Variants in ZNF93 observed in about 807,000 individuals in gnomAD.
ZNF93 encodes the protein zinc finger protein 505.
In ZNF93, 29 loss-of-function variants were observed where a neutral mutation model predicts 45.0. The observed-to-expected ratio is 0.64, with a 90% CI of 0.48 to 0.88. The LOEUF (loss-of-function observed/expected upper bound fraction) is 0.88. Ranked by LOEUF, ZNF93 falls within the 40% of genes least tolerant of loss-of-function variation. The probability of loss-of-function intolerance (pLI) is 0.00; values close to 1 mark genes in which losing one functional copy is unlikely to be tolerated. For missense variants in ZNF93, 578 were observed against 724.0 expected, an observed-to-expected ratio of 0.80 and a Z score of 2.31; for synonymous variants, 223 against 244.6, an observed-to-expected ratio of 0.91 and a Z score of 0.82.
rs1314456586 is a variant in ZNF93 at position 19,934,544 on chromosome 19, T to C, written c.1589T>C (p.Ile530Thr). ...TCAACCCTTATTAAACATAAGAAAA[T>C]TCATACTAGAGAGAAACCCTACAAA... ...QSSTLIKHKKIHTREKPYKCE... is the reference protein window; with the variant it reads ...QSSTLIKHKKTHTREKPYKCE... The change falls in exon 4 of 4, where the codon ATT (isoleucine) becomes ACT (threonine). Residue 530 changes from isoleucine (I) to threonine (T), a missense_variant. Physicochemically the swap from Ile to Thr is moderately conservative, Grantham distance 89. Transcript: ENST00000343769. 1.9e-6 allele frequency: 3 copies of C among 1,612,794 alleles called. No homozygotes were observed. Among genetic ancestry groups the C allele is most frequent in the East Asian group, 2.2e-5 (1 of 44,800 alleles).
At chr19:19,916,050 T>G (rs1167988336) in intron 2 of ZNF93, among the ~76,000 whole-genome samples, 1 of 150,826 alleles carries the variant, frequency 6.6e-6, no homozygotes, top group East Asian at 1.9e-4. Flanking sequence ...ACCTACAAAT[T>G]GGAAGTATTT....
chr19:19,916,514 T>C (rs748514737), intron 2 of ZNF93, 46 bp from the exon 3 acceptor site: 19 of 1,499,464 alleles, frequency 1.3e-5, no homozygotes, highest in Non-Finnish European at 1.8e-5. Context: ...AGCTTGTAAT[T>C]GGAGAATATG....
intron 1 of ZNF93, among the ~76,000 whole-genome samples, chr19:19,914,253 A>T (rs2063317622): frequency 6.6e-6 from 1 of 152,206 alleles, no homozygotes; most frequent in Non-Finnish European, 1.5e-5. Context: ...ATAATTCAGA[A>T]AATGCTTATT....
At position 19,914,798 on chromosome 19, in the gene ZNF93, C is replaced by T. The variant is rs181500331; in HGVS notation, c.4-482C>T. The stretch of plus-strand genomic sequence containing the variant: ...TGGATGTTTGACAAAATATCCTTCT[C>T]GGGCCAAAAACATTGACATTTTTGG... On this transcript the variant is annotated intron_variant, in intron 1 of 3. Coordinates refer to ENST00000343769, the MANE Select transcript of ZNF93 (RefSeq NM_031218.4). 1.7e-4 allele frequency: 65 copies of T among 376,452 alleles called. No individual in the cohort carries two copies. The Admixed American group carries it at 2.2e-3, about 13-fold the overall frequency. 23.3% of individuals were successfully genotyped at this position (376,452 alleles called of 1,614,324 possible).
At chr19:19,913,572 A>G (rs1032454455) in intron 1 of ZNF93, among the ~76,000 whole-genome samples, 1 of 152,152 alleles carries the variant, frequency 6.6e-6, no homozygotes, top group Non-Finnish European at 1.5e-5. Flanking sequence ...GCTGGTGTCT[A>G]TGGCAGGGGA....
At position 19,934,693 on chromosome 19, in the gene ZNF93, C is replaced by G. The variant is rs781010450; in HGVS notation, c.1738C>G (p.Leu580Val). 6.2e-6 allele frequency: 10 copies of G among 1,613,664 alleles called. No homozygotes were observed. Among genetic ancestry groups the G allele is most frequent in the Non-Finnish European group, 8.5e-6 (10 of 1,179,788 alleles). Residue 580 changes from leucine (L) to valine (V), a missense_variant, in exon 4 of 4, where the codon CTT becomes GTT. Transcript: ENST00000343769. ...CGKAFNHSATLSSHKKIHSGE... is the reference protein window; with the variant it reads ...CGKAFNHSATVSSHKKIHSGE... Reference sequence around the variant, plus strand: ...CAAAGCTTTTAACCATTCTGCAACCCTTTCTTCACATAAGAAAATCCATTC... The same window carrying G: ...CAAAGCTTTTAACCATTCTGCAACCGTTTCTTCACATAAGAAAATCCATTC...
intron 1 of ZNF93, among the ~76,000 whole-genome samples, chr19:19,912,144 A>G (rs2063310455): frequency 6.6e-6 from 1 of 152,200 alleles, no homozygotes; most frequent in Non-Finnish European, 1.5e-5. Context: ...TAAGTTGCAT[A>G]CTAGTATATA....
intron 1 of ZNF93, among the ~76,000 whole-genome samples, chr19:19,910,391 G>T (rs1426305643): frequency 6.6e-6 from 1 of 152,060 alleles, no homozygotes; most frequent in African/African-American, 2.4e-5. Flanking sequence ...TGCCACATTA[G>T]ACACTATATC....
intron 3 of ZNF93, among the ~76,000 whole-genome samples, chr19:19,916,987 C>T (rs1437436573): frequency 6.6e-6 from 1 of 152,054 alleles, no homozygotes; most frequent in Non-Finnish European, 1.5e-5. Context: ...AAAATATTTG[C>T]ATGATTTTGA....
Position 19,926,387 on chromosome 19 carries a change from A to AT in ZNF93, c.227-6787dup, listed in dbSNP as rs200844674. On this transcript the variant is annotated intron_variant, in intron 3 of 3. Coordinates refer to ENST00000343769, the MANE Select transcript of ZNF93 (RefSeq NM_031218.4). ...AGCCACTGCACCCAGCCTGACAATT[A>AT]TTTTTTTTGTGATACATCAATGTTG... Among the ~76,000 whole-genome samples, 86 of 138,008 alleles carry AT rather than the reference A, an allele frequency of 6.2e-4. 6 individuals are homozygous for AT. The East Asian group carries it at 0.016, about 26-fold the overall frequency. 90.5% of individuals were successfully genotyped at this position (138,008 alleles called of 152,430 possible).
chr19:19,912,157 A>G (rs1380553204), intron 1 of ZNF93, among the ~76,000 whole-genome samples: 1 of 152,218 alleles, frequency 6.6e-6, no homozygotes, highest in Non-Finnish European at 1.5e-5. Flanking sequence ...AGTATATAGT[A>G]TAAAGTTGTC....
At chr19:19,928,885 G>A (rs922357060) in intron 3 of ZNF93, among the ~76,000 whole-genome samples, 1 of 152,190 alleles carries the variant, frequency 6.6e-6, no homozygotes, top group Non-Finnish European at 1.5e-5. Context: ...AGAATATTGT[G>A]TATTATCTTG....
At chr19:19,910,267 A>G (rs2063304004) in intron 1 of ZNF93, among the ~76,000 whole-genome samples, 2 of 152,290 alleles carry the variant, frequency 1.3e-5, no homozygotes, top group Non-Finnish European at 1.5e-5. Flanking sequence ...TTGGTTATCA[A>G]ACTCAGACAT....
At chr19:19,901,789 T>G (rs1337529046) in intron 1 of ZNF93, among the ~76,000 whole-genome samples, 1 of 152,032 alleles carries the variant, frequency 6.6e-6, no homozygotes, top group Non-Finnish European at 1.5e-5. Context: ...CGGAACTGCG[T>G]TAGGGTTAAA....
intron 3 of ZNF93, among the ~76,000 whole-genome samples, chr19:19,930,491 G>A (rs1392018745): frequency 6.7e-6 from 1 of 149,382 alleles, no homozygotes; most frequent in Admixed American, 6.9e-5. Flanking sequence ...CCCTTTCCTG[G>A]TCCGCTAAGT....
chr19:19,903,618 T>C (rs1360080543), intron 1 of ZNF93, among the ~76,000 whole-genome samples: 2 of 151,364 alleles, frequency 1.3e-5, no homozygotes, highest in South Asian at 2.1e-4. Context: ...ATACAAAAAT[T>C]AACTCAGCAT....
At chr19:19,927,538 T>C (rs938475921) in intron 3 of ZNF93, among the ~76,000 whole-genome samples, 1 of 152,242 alleles carries the variant, frequency 6.6e-6, no homozygotes, top group African/African-American at 2.4e-5. Flanking sequence ...TGATTTTGAC[T>C]ACTTAAGATA....
rs1460807846 is a variant in ZNF93, at chr19:19,933,979, A to G, written c.1024A>G (p.Lys342Glu). Reference sequence around the variant, plus strand: ...AATTCATACTGGAGAGAAACCATACAAGTGTAATAAATGTGGCAAAGCCTT... The same window carrying G: ...AATTCATACTGGAGAGAAACCATACGAGTGTAATAAATGTGGCAAAGCCTT... ...KRIHTGEKPYKCNKCGKAFIA... is the reference protein window; with the variant it reads ...KRIHTGEKPYECNKCGKAFIA... Residue 342 changes from lysine (K) to glutamate (E), a missense_variant, in exon 4 of 4, where the codon AAG (lysine) becomes GAG (glutamate). Transcript: ENST00000343769. 6 of 1,612,670 alleles carry G rather than the reference A, an allele frequency of 3.7e-6. No individual in the cohort carries two copies. The highest frequency in any genetic ancestry group is 4.2e-6 in the Non-Finnish European group (5 of 1,179,424).
In ZNF93 at chr19:19,934,002, C is replaced by G; in HGVS notation, c.1047C>G (p.Ala349=). 1.2e-6 allele frequency: 2 copies of G among 1,612,150 alleles called. No individual in the cohort carries two copies. Among genetic ancestry groups the G allele is most frequent in the East Asian group, 2.2e-5 (1 of 44,772 alleles). Residue 349 remains alanine, a synonymous_variant, in exon 4 of 4, where the codon GCC becomes GCG. Coordinates refer to ENST00000343769, the MANE Select transcript of ZNF93 (RefSeq NM_031218.4). ...ACAAGTGTAATAAATGTGGCAAAGCCTTTATTGCATCCTCAACCCTTAGTA... is the reference window on the plus strand; with the variant it reads ...ACAAGTGTAATAAATGTGGCAAAGCGTTTATTGCATCCTCAACCCTTAGTA... ...KPYKCNKCGK[A]FIASSTLSRH...
Sources: gnomAD v4.1 joint callset for allele counts (sites outside exome capture counted in the v4.1 genomes callset) on GRCh38, gnomAD v4.1.1 for gene constraint, MANE v1.5 for transcripts, NCBI Gene and HGNC (gene_info 2026-07-23, HGNC 2026-07-21) for gene names.